SSBP3: variants seen among roughly 807,000 people sequenced by gnomAD.
The protein encoded by SSBP3 is single-stranded DNA-binding protein 3.
Under a neutral mutation model 69.6 loss-of-function variants are expected in SSBP3, and 5 were observed. The ratio of observed to expected loss-of-function variants is 0.07; its 90% CI spans 0.04 to 0.15. The LOEUF (loss-of-function observed/expected upper bound fraction) is 0.15. Among genes scored for constraint, SSBP3 ranks in the 10% least tolerant of loss-of-function variants. The pLI is 1.00. For missense variants in SSBP3, 312 were observed against 534.0 expected (o/e 0.58, Z 4.10); for synonymous variants, 196 against 193.4 (o/e 1.01, Z -0.11).
chr1:54,312,794 C>T (rs1333368430), intron 4 of SSBP3, among the ~76,000 whole-genome samples: 1 of 152,170 alleles, frequency 6.6e-6, no homozygotes, highest in East Asian at 1.9e-4. Context: ...GAGCCAGAGC[C>T]CACAGCACAG....
intron 4 of SSBP3, among the ~76,000 whole-genome samples, chr1:54,368,254 C>T (rs80336140): frequency 0.017 from 2,435 of 144,460 alleles, 62 homozygotes; most frequent in African/African-American, 0.055. Context: ...GCCAAGATCA[C>T]GCCACTGCAC....
chr1:54,323,507 T>C (rs1646250628), intron 4 of SSBP3, among the ~76,000 whole-genome samples: 1 of 152,158 alleles, frequency 6.6e-6, no homozygotes. Context: ...CAGCCTCCTG[T>C]CCTGGCCTGC....
intron 4 of SSBP3, among the ~76,000 whole-genome samples, chr1:54,321,641 G>A (rs1221317031): frequency 2.0e-5 from 3 of 152,226 alleles, no homozygotes; most frequent in Non-Finnish European, 4.4e-5. Flanking sequence ...TAGAGTTCCC[G>A]TGCAAGTCAA....
At chr1:54,261,225 G>A (rs114487041) in intron 5 of SSBP3, among the ~76,000 whole-genome samples, 52 of 152,372 alleles carry the variant, frequency 3.4e-4, no homozygotes, top group African/African-American at 1.2e-3. Flanking sequence ...CTTCTGCAAG[G>A]AACATGACAG....
chr1:54,243,421 AAAT>A, intron 9 of SSBP3, 122 bp from the exon 10 acceptor site: 1 of 1,234,564 alleles, frequency 8.1e-7, no homozygotes, highest in Non-Finnish European at 1.2e-6. Flanking sequence ...TGATGAGAAA[AAAT>A]AATACATTCT....
intron 4 of SSBP3, among the ~76,000 whole-genome samples, chr1:54,283,164 G>A (rs1016284823): frequency 5.9e-5 from 9 of 152,172 alleles, no homozygotes; most frequent in Non-Finnish European, 1.0e-4. Flanking sequence ...CTACTCGGGA[G>A]GCTGAGGCAG....
At chr1:54,273,941 A>G (rs1016844272) in intron 5 of SSBP3, among the ~76,000 whole-genome samples, 1 of 151,954 alleles carries the variant, frequency 6.6e-6, no homozygotes, top group Non-Finnish European at 1.5e-5. Flanking sequence ...GGGGCGCCCC[A>G]CCTCCTCTCT....
intron 4 of SSBP3, among the ~76,000 whole-genome samples, chr1:54,359,347 T>A (rs1183112623): frequency 1.3e-5 from 2 of 151,988 alleles, no homozygotes; most frequent in African/African-American, 4.8e-5. Flanking sequence ...TCCCCATCAC[T>A]GAAGGTAAAG....
At chr1:54,282,112 C>T (rs2100884885) in intron 4 of SSBP3, among the ~76,000 whole-genome samples, 1 of 152,006 alleles carries the variant, frequency 6.6e-6, no homozygotes, top group South Asian at 2.1e-4. Flanking sequence ...AGGGAGGTTG[C>T]AAGGACAGCC....
chr1:54,408,303 T>C (rs1649905233), upstream of SSBP3, among the ~76,000 whole-genome samples: 1 of 152,072 alleles, frequency 6.6e-6, no homozygotes, highest in Non-Finnish European at 1.5e-5. Flanking sequence ...ATTACAGTTA[T>C]TTTTTCCCCT....
At chr1:54,390,043 G>A (rs1030567708) in intron 4 of SSBP3, among the ~76,000 whole-genome samples, 3 of 152,010 alleles carry the variant, frequency 2.0e-5, no homozygotes, top group Admixed American at 1.3e-4. Context: ...AAAACCTAAA[G>A]CACTTACAAC....
chr1:54,245,699 C>A (rs995229281), intron 9 of SSBP3, among the ~76,000 whole-genome samples: 2 of 152,218 alleles, frequency 1.3e-5, no homozygotes, highest in Non-Finnish European at 1.5e-5. Flanking sequence ...CTGCTCAGGG[C>A]ATGGGCTTCA....
rs570061926 is a variant in SSBP3 at position 54,244,832 on chromosome 1, T to G, written c.652-1533A>C. Among the ~76,000 whole-genome samples, 7 of 152,264 alleles carry G rather than the reference T, an allele frequency of 4.6e-5. No homozygotes were observed. In the South Asian group the frequency reaches 1.5e-3, roughly 32 times the overall value. Reference sequence around the variant, plus strand: ...CCCTCCTGACCCCACCCCTTCGGGCTGACTGCTCCAGCCCTGTTACTCCCA... The same window carrying G: ...CCCTCCTGACCCCACCCCTTCGGGCGGACTGCTCCAGCCCTGTTACTCCCA... On this transcript the variant is annotated intron_variant, in intron 9 of 17. Coordinates refer to ENST00000610401, the Ensembl canonical transcript of SSBP3.
At chr1:54,391,319 G>T (rs1001561169) in intron 4 of SSBP3, among the ~76,000 whole-genome samples, 3 of 152,202 alleles carry the variant, frequency 2.0e-5, no homozygotes, top group Non-Finnish European at 2.9e-5. Flanking sequence ...ACTTACCCAA[G>T]GCCATCTGAA....
At chr1:54,351,777 G>A (rs916941995) in intron 4 of SSBP3, among the ~76,000 whole-genome samples, 7 of 152,124 alleles carry the variant, frequency 4.6e-5, no homozygotes, top group Non-Finnish European at 8.8e-5. Flanking sequence ...TTTTGGGACC[G>A]GCTTGCTGCC....
At chr1:54,284,599 C>G (rs1645453985) in intron 4 of SSBP3, among the ~76,000 whole-genome samples, 1 of 151,874 alleles carries the variant, frequency 6.6e-6, no homozygotes, top group African/African-American at 2.4e-5. Flanking sequence ...TCTCAGGTAG[C>G]TGGGAATACA....
intron 4 of SSBP3, among the ~76,000 whole-genome samples, chr1:54,376,827 C>T (rs1389534724): frequency 6.6e-6 from 1 of 152,216 alleles, no homozygotes; most frequent in Non-Finnish European, 1.5e-5. Flanking sequence ...ACTTCTGCCA[C>T]TGCCCATCCC....
intron 4 of SSBP3, among the ~76,000 whole-genome samples, chr1:54,309,770 T>C (rs973665703): frequency 2.0e-5 from 3 of 152,154 alleles, no homozygotes; most frequent in African/African-American, 4.8e-5. Flanking sequence ...ACCAAATCCA[T>C]GTCCAACTCC....
intron 10 of SSBP3, 55 bp from the exon 11 acceptor site, chr1:54,242,267 C>T (rs375689323): frequency 3.6e-5 from 57 of 1,601,130 alleles, no homozygotes; most frequent in East Asian, 8.9e-5. Flanking sequence ...AAACTCCAAG[C>T]GGTGGAGGCA....
Sources: allele counts gnomAD v4.1 joint callset (sites outside exome capture counted in the v4.1 genomes callset), GRCh38; gene constraint gnomAD v4.1.1; transcripts MANE v1.5; gene names NCBI Gene and HGNC (gene_info 2026-07-23, HGNC 2026-07-21).